The following TTBK2 variants were observed in gnomAD, a reference collection of about 807,000 sequenced individuals.
TTBK2 encodes the protein tau tubulin kinase 2.
A neutral mutation model predicts 110.8 loss-of-function variants in TTBK2; 28 were observed. That is an observed-to-expected ratio of 0.25 (90% confidence interval 0.19 to 0.35). The LOEUF is 0.35. Ranked by LOEUF, TTBK2 falls within the 10% of genes least tolerant of loss-of-function variation. The pLI is 1.00. For missense variants in TTBK2, 1,369 were observed against 1,500.3 expected (o/e 0.91, Z 1.45); for synonymous variants, 532 against 527.3 (o/e 1.01, Z -0.12).
chr15:42,770,890 G>A (rs1889639335), intron 13 of TTBK2, among the ~76,000 whole-genome samples: 2 of 152,142 alleles, frequency 1.3e-5, no homozygotes, highest in African/African-American at 4.8e-5. Flanking sequence ...CTTTCACACA[G>A]TCACTGTAGT....
At chr15:42,855,848 C>G (rs1022671343) in intron 3 of TTBK2, among the ~76,000 whole-genome samples, 1 of 152,128 alleles carries the variant, frequency 6.6e-6, no homozygotes, top group Non-Finnish European at 1.5e-5. Flanking sequence ...CCTCGCCCGG[C>G]TAATTTTTTT....
At chr15:42,822,619 T>C (rs1300392636) in intron 6 of TTBK2, among the ~76,000 whole-genome samples, 1 of 152,004 alleles carries the variant, frequency 6.6e-6, no homozygotes, top group African/African-American at 2.4e-5. Context: ...GAAAAATAGG[T>C]TGAAGTCAGA....
At chr15:42,755,125 C>T (rs1181898240) in intron 13 of TTBK2, among the ~76,000 whole-genome samples, 1 of 150,994 alleles carries the variant, frequency 6.6e-6, no homozygotes, top group East Asian at 2.0e-4. Flanking sequence ...TAAGAATGTC[C>T]TTCCTTAAGA....
intron 13 of TTBK2, 21 bp from the exon 14 acceptor site, chr15:42,753,268 A>G: frequency 1.2e-6 from 2 of 1,606,744 alleles, no homozygotes; most frequent in African/African-American, 2.7e-5. Flanking sequence ...GGAAGAAAAA[A>G]TTAAAATGCA....
intron 2 of TTBK2, among the ~76,000 whole-genome samples, chr15:42,874,473 C>T (rs1277897910): frequency 2.6e-5 from 4 of 151,634 alleles, no homozygotes; most frequent in African/African-American, 9.7e-5. Flanking sequence ...TGCACCACCA[C>T]GCTTGGCTAA....
intron 10 of TTBK2, among the ~76,000 whole-genome samples, chr15:42,790,861 A>G (rs1490482411): frequency 6.6e-6 from 1 of 151,348 alleles, no homozygotes; most frequent in East Asian, 1.9e-4. Context: ...CATCATGCCC[A>G]GCTAATTTTT....
At chr15:42,889,675 T>A (rs962058933) in intron 1 of TTBK2, among the ~76,000 whole-genome samples, 1 of 152,218 alleles carries the variant, frequency 6.6e-6, no homozygotes, top group African/African-American at 2.4e-5. Flanking sequence ...AGACCTTGTA[T>A]CTTCCGTTTA....
intron 3 of TTBK2, among the ~76,000 whole-genome samples, chr15:42,854,041 T>C (rs1268263527): frequency 6.6e-6 from 1 of 152,072 alleles, no homozygotes; most frequent in Non-Finnish European, 1.5e-5. Flanking sequence ...GCTCAAGTGA[T>C]CCTCCTACCT....
At chr15:42,847,138 C>G (rs2141034659) in intron 3 of TTBK2, among the ~76,000 whole-genome samples, 1 of 152,284 alleles carries the variant, frequency 6.6e-6, no homozygotes, top group Non-Finnish European at 1.5e-5. Context: ...ACAGTTTAAG[C>G]CATTCTAATG....
rs188966665 is a variant in TTBK2, at chr15:42,812,251, T to C, written c.604-471A>G. The stretch of plus-strand genomic sequence containing the variant: ...TGAGATACACCCCACCCCCACCATA[T>C]AGCTAGGGCCCTAAAAGGGTTACAT... On this transcript the variant is annotated intron_variant, in intron 7 of 14. Transcript: ENST00000267890. Among the ~76,000 whole-genome samples, 642 of 144,430 alleles carry C rather than the reference T, an allele frequency of 4.4e-3. 9 individuals are homozygous for C. Among genetic ancestry groups the C allele is most frequent in the Non-Finnish European group, 2.5e-3 (166 of 66,372 alleles). The allele number at this position is 144,430 out of a possible 152,430, so 94.8% of individuals were successfully genotyped here. A position where few individuals can be genotyped will look rare whatever the true frequency, so the allele number is the denominator to read the frequency against.
At chr15:42,888,835 T>G (rs973305567) in intron 1 of TTBK2, among the ~76,000 whole-genome samples, 3 of 152,202 alleles carry the variant, frequency 2.0e-5, no homozygotes, top group Non-Finnish European at 4.4e-5. Flanking sequence ...ACACTTATGC[T>G]GATAAGGTAG....
chr15:42,846,239 G>C (rs1449430219), intron 3 of TTBK2, among the ~76,000 whole-genome samples: 1 of 150,950 alleles, frequency 6.6e-6, no homozygotes, highest in East Asian at 1.9e-4. Flanking sequence ...ACCCAGGCTG[G>C]AGTGCAGTGG....
At chr15:42,885,300 C>T (rs755777828) in intron 1 of TTBK2, among the ~76,000 whole-genome samples, 6 of 152,234 alleles carry the variant, frequency 3.9e-5, no homozygotes, top group Non-Finnish European at 7.3e-5. Flanking sequence ...CCAACCAGCC[C>T]AAGGAACATC....
chr15:42,766,483 C>T (rs1358719627), intron 13 of TTBK2, among the ~76,000 whole-genome samples: 3 of 124,200 alleles, frequency 2.4e-5, no homozygotes, highest in South Asian at 2.5e-4. Context: ...GGTTGCAATC[C>T]TAGTCTCTGA....
chr15:42,754,286 G>A (rs1386825124), intron 13 of TTBK2, among the ~76,000 whole-genome samples: 1 of 152,002 alleles, frequency 6.6e-6, no homozygotes, highest in Non-Finnish European at 1.5e-5. Flanking sequence ...GTCACCTGTT[G>A]CCCAGGCTGG....
At chr15:42,762,345 G>A (rs977546466) in intron 13 of TTBK2, among the ~76,000 whole-genome samples, 4 of 152,164 alleles carry the variant, frequency 2.6e-5, no homozygotes, top group African/African-American at 7.2e-5. Context: ...GCACACTCAC[G>A]TTTACTGCAT....
chr15:42,876,681 C>T (rs1894829075), intron 2 of TTBK2, among the ~76,000 whole-genome samples: 3 of 152,032 alleles, frequency 2.0e-5, no homozygotes, highest in Admixed American at 2.0e-4. Flanking sequence ...GTGAAACCTA[C>T]TAATGGAAAA....
chr15:42,776,339 A>C (rs949749090), intron 12 of TTBK2, among the ~76,000 whole-genome samples: 2 of 152,250 alleles, frequency 1.3e-5, no homozygotes, highest in Admixed American at 1.3e-4. Flanking sequence ...AATGCTGCGA[A>C]TACTACTGAA....
chr15:42,906,356 T>C (rs2030397286), intron 1 of TTBK2, among the ~76,000 whole-genome samples: 1 of 152,180 alleles, frequency 6.6e-6, no homozygotes, highest in Non-Finnish European at 1.5e-5. Context: ...AAACCTATTA[T>C]ACAAATACTA....
Sources: gnomAD v4.1 joint callset for allele counts (sites outside exome capture counted in the v4.1 genomes callset) on GRCh38, gnomAD v4.1.1 for gene constraint, MANE v1.5 for transcripts, NCBI Gene and HGNC (gene_info 2026-07-23, HGNC 2026-07-21) for gene names.